Variants in CTNNA2 observed in about 807,000 individuals in gnomAD.
CTNNA2 encodes the protein catenin alpha-2.
Under a neutral mutation model 101.0 loss-of-function variants are expected in CTNNA2, and 42 were observed. That is an observed-to-expected ratio of 0.42 (90% CI 0.32 to 0.54). CTNNA2 has a LOEUF of 0.54. CTNNA2 is among the 20% of genes least tolerant of loss of function. The pLI is 0.14. For missense variants in CTNNA2, 871 were observed against 1,223.1 expected, an observed-to-expected ratio of 0.71 and a Z score of 4.29; for synonymous variants, 450 against 456.4, an observed-to-expected ratio of 0.99 and a Z score of 0.18.
intron 7 of CTNNA2, among the ~76,000 whole-genome samples, chr2:80,018,856 T>C (rs190858554): frequency 6.6e-6 from 1 of 151,816 alleles, no homozygotes; most frequent in Non-Finnish European, 1.5e-5. Flanking sequence ...AGCCAATATC[T>C]AAAGGTATCT....
intron 7 of CTNNA2, among the ~76,000 whole-genome samples, chr2:79,983,088 C>G (rs1284424687): frequency 1.3e-5 from 2 of 150,862 alleles, no homozygotes; most frequent in Non-Finnish European, 1.5e-5. Context: ...TGGAAAGCAA[C>G]TATATAACCC....
At chr2:79,628,860 C>T (rs896320493) in intron 1 of CTNNA2, among the ~76,000 whole-genome samples, 2 of 152,122 alleles carry the variant, frequency 1.3e-5, no homozygotes, top group Non-Finnish European at 2.9e-5. Context: ...TTTTCTTCAC[C>T]ACTCTTTGCA....
chr2:80,522,937 C>A (rs1689697497), intron 9 of CTNNA2, among the ~76,000 whole-genome samples: 2 of 152,058 alleles, frequency 1.3e-5, no homozygotes, highest in African/African-American at 4.8e-5. Flanking sequence ...AAGACGGGGT[C>A]CTGTGGTGCA....
chr2:79,930,351 A>C (rs200431527), intron 7 of CTNNA2, among the ~76,000 whole-genome samples: 16,919 of 87,458 alleles, frequency 0.19, 1,518 homozygotes, highest in East Asian at 0.44. Context: ...AAAGAAAGAA[A>C]GAAAGAATGA....
At chr2:80,133,802 C>G (rs1008727096) in intron 7 of CTNNA2, among the ~76,000 whole-genome samples, 1 of 151,888 alleles carries the variant, frequency 6.6e-6, no homozygotes, top group African/African-American at 2.4e-5. Context: ...AATTTTAAAG[C>G]CTTCAATACA....
intron 1 of CTNNA2, among the ~76,000 whole-genome samples, chr2:79,536,608 T>TGTGTGTGTGTGTGTG (rs1673084429): frequency 6.6e-6 from 1 of 151,994 alleles, no homozygotes; most frequent in Non-Finnish European, 1.5e-5. Context: ...TGTGTTTGTG[T>TGTGTGTGTGTGTGTG]TGAGGGTGGG....
rs528406053 is a variant in CTNNA2, at chr2:80,604,648, T to C, written c.2295+469T>C. ...ATATATATTTATTATTGCTTTACTT[T>C]TATTTTCTGTTGCCCCCAGGAAATT... On this transcript the variant is annotated intron_variant, in intron 16 of 18. Transcript: ENST00000402739. 1.4e-3 allele frequency among the ~76,000 whole-genome samples: 208 copies of C among 152,154 alleles called. 2 individuals are homozygous for C. The highest frequency in any genetic ancestry group is 4.8e-3 in the African/African-American group (199 of 41,542).
At chr2:79,679,946 A>G (rs1325271503) in intron 2 of CTNNA2, among the ~76,000 whole-genome samples, 1 of 152,122 alleles carries the variant, frequency 6.6e-6, no homozygotes, top group African/African-American at 2.4e-5. Flanking sequence ...CTGTTTCTAC[A>G]CTAAATGTTA....
At chr2:80,096,024 G>A (rs1700124301) in intron 7 of CTNNA2, among the ~76,000 whole-genome samples, 1 of 151,910 alleles carries the variant, frequency 6.6e-6, no homozygotes, top group African/African-American at 2.4e-5. Flanking sequence ...TCTGATCTTA[G>A]TTATTTCTTG....
intron 4 of CTNNA2, among the ~76,000 whole-genome samples, chr2:79,481,249 T>C (rs757001806): frequency 3.3e-5 from 5 of 152,174 alleles, no homozygotes; most frequent in African/African-American, 4.8e-5. Flanking sequence ...TCTAAATTTG[T>C]CGTCTAGCAA....
chr2:80,186,876 C>T (rs1377540782), intron 7 of CTNNA2, among the ~76,000 whole-genome samples: 1 of 152,208 alleles, frequency 6.6e-6, no homozygotes, highest in Admixed American at 6.5e-5. Context: ...CAGGAAGTCT[C>T]ACTAATCAAC....
At chr2:80,018,824 A>G (rs900376844) in intron 7 of CTNNA2, among the ~76,000 whole-genome samples, 82 of 150,986 alleles carry the variant, frequency 5.4e-4, no homozygotes, top group African/African-American at 1.9e-3. Flanking sequence ...TTTTTTGGAG[A>G]TCCAGTTTAC....
chr2:79,609,393 T>A (rs1473610115), intron 1 of CTNNA2, among the ~76,000 whole-genome samples: 1 of 152,086 alleles, frequency 6.6e-6, no homozygotes, highest in African/African-American at 2.4e-5. Context: ...AAATTGATTA[T>A]ATGCAATCTC....
intron 1 of CTNNA2, among the ~76,000 whole-genome samples, chr2:79,587,333 T>C (rs1269861162): frequency 6.6e-6 from 1 of 152,134 alleles, no homozygotes; most frequent in Non-Finnish European, 1.5e-5. Context: ...AAACCCCATT[T>C]TAATGAGATG....
intron 1 of CTNNA2, among the ~76,000 whole-genome samples, chr2:79,549,743 G>A (rs920835371): frequency 2.6e-5 from 4 of 152,122 alleles, no homozygotes; most frequent in African/African-American, 9.7e-5. Flanking sequence ...TCTGTTTTTT[G>A]TAGTGCCAGA....
chr2:79,255,851 A>G (rs193181971), intron 2 of CTNNA2, among the ~76,000 whole-genome samples: 8 of 152,288 alleles, frequency 5.3e-5, no homozygotes, highest in Non-Finnish European at 8.8e-5. Flanking sequence ...GCTTTATTCC[A>G]CATTCTACTA....
At chr2:80,171,883 T>G (rs1224502148) in intron 7 of CTNNA2, among the ~76,000 whole-genome samples, 1 of 152,180 alleles carries the variant, frequency 6.6e-6, no homozygotes, top group Non-Finnish European at 1.5e-5. Flanking sequence ...GGAGACAATT[T>G]AATATCTCTG....
At chr2:79,277,323 C>T (rs908965623) in intron 2 of CTNNA2, among the ~76,000 whole-genome samples, 3 of 152,044 alleles carry the variant, frequency 2.0e-5, no homozygotes, top group African/African-American at 7.2e-5. Context: ...TCTGTGAATC[C>T]ACACGGCTGA....
intron 3 of CTNNA2, among the ~76,000 whole-genome samples, chr2:79,371,429 C>T (rs993928912): frequency 2.0e-5 from 3 of 151,890 alleles, no homozygotes; most frequent in African/African-American, 4.8e-5. Flanking sequence ...GATGTGGAAC[C>T]GACATATGGA....
Sources: allele counts gnomAD v4.1 joint callset (sites outside exome capture counted in the v4.1 genomes callset), GRCh38; gene constraint gnomAD v4.1.1; transcripts MANE v1.5; gene names NCBI Gene and HGNC (gene_info 2026-07-23, HGNC 2026-07-21).